The following CUX2 variants were observed in gnomAD, a reference collection of about 807,000 sequenced individuals.
CUX2 encodes the protein homeobox protein cut-like 2.
Under a neutral mutation model 144.8 loss-of-function variants are expected in CUX2, and 40 were observed. That is an observed-to-expected ratio of 0.28 (90% confidence interval 0.21 to 0.36). CUX2 has a LOEUF of 0.36. CUX2 is among the 10% of genes least tolerant of loss of function. CUX2 has a pLI of 1.00. For synonymous variants in CUX2, 827 were observed against 875.6 expected, an observed-to-expected ratio of 0.94 and a Z score of 0.98; for missense variants, 1,615 against 1,994.0, an observed-to-expected ratio of 0.81 and a Z score of 3.62.
intron 1 of CUX2, among the ~76,000 whole-genome samples, chr12:111,116,744 A>G (rs1000616607): frequency 2.6e-5 from 4 of 152,210 alleles, no homozygotes; most frequent in East Asian, 3.9e-4. Context: ...CAGAAACTCA[A>G]TTGGAATTCC....
At chr12:111,298,947 C>CTAAGACCCAAAGAATAA (rs1386939890) in intron 9 of CUX2, among the ~76,000 whole-genome samples, 1 of 152,226 alleles carries the variant, frequency 6.6e-6, no homozygotes, top group Non-Finnish European at 1.5e-5. Context: ...TAAATGACAG[C>CTAAGACCCAAAGAATAA]ATATCTAGGC....
chr12:111,269,765 C>G (rs1012951919), intron 4 of CUX2, among the ~76,000 whole-genome samples: 3 of 152,116 alleles, frequency 2.0e-5, no homozygotes, highest in Non-Finnish European at 4.4e-5. Flanking sequence ...TGCTGTGGAA[C>G]CTTCTGGAAG....
At chr12:111,316,878 C>T (rs1274990244) in intron 16 of CUX2, among the ~76,000 whole-genome samples, 2 of 152,178 alleles carry the variant, frequency 1.3e-5, no homozygotes, top group Non-Finnish European at 1.5e-5. Flanking sequence ...TTAAGCAGTG[C>T]TTCTCCTTTC....
At chr12:111,154,623 C>A (rs971094240) in intron 1 of CUX2, among the ~76,000 whole-genome samples, 2 of 152,120 alleles carry the variant, frequency 1.3e-5, no homozygotes, top group Non-Finnish European at 2.9e-5. Flanking sequence ...CTGGCCAAGA[C>A]GGGGAGATGC....
intron 12 of CUX2, among the ~76,000 whole-genome samples, chr12:111,308,049 T>C (rs1886686772): frequency 6.6e-6 from 1 of 152,192 alleles, no homozygotes; most frequent in South Asian, 2.1e-4. Flanking sequence ...ATTAACCAGC[T>C]AAACTCAAGC....
chr12:111,124,313 G>A (rs1364027824), intron 1 of CUX2, among the ~76,000 whole-genome samples: 5 of 152,216 alleles, frequency 3.3e-5, no homozygotes, highest in South Asian at 2.1e-4. Flanking sequence ...TCATTTTTAC[G>A]CTTAAGTTCA....
At chr12:111,332,987 C>T (rs1386313484) in intron 18 of CUX2, among the ~76,000 whole-genome samples, 1 of 152,160 alleles carries the variant, frequency 6.6e-6, no homozygotes, top group Non-Finnish European at 1.5e-5. Flanking sequence ...GCAGGTAGAT[C>T]ACTTGAGGTC....
intron 12 of CUX2, among the ~76,000 whole-genome samples, 175 bp from the exon 13 acceptor site, chr12:111,308,110 C>A (rs549851795): frequency 6.6e-6 from 1 of 152,220 alleles, no homozygotes; most frequent in Non-Finnish European, 1.5e-5. Flanking sequence ...ACATCGCCAC[C>A]TGTTAATGAG....
rs1278255757 is a variant in CUX2 at position 111,057,396 on chromosome 12, GC to G, written c.63+23158del. 6.6e-6 allele frequency among the ~76,000 whole-genome samples: 1 copy of G among 152,144 alleles called. No homozygotes were observed. Among genetic ancestry groups the G allele is most frequent in the Non-Finnish European group, 1.5e-5 (1 of 68,014 alleles). ...AGTGGAGTGGGTGTGACAGGAAGTG[GC>G]CACTGGAGATCTGGCTTTGTCTGCC... is the stretch of plus-strand genomic sequence containing the variant. On this transcript the variant is annotated intron_variant, in intron 1 of 21. Coordinates refer to ENST00000261726, the MANE Select transcript of CUX2 (RefSeq NM_015267.4). This position sits in a 1 kb window ranked among gnomAD's most constrained non-coding sequence, Gnocchi z 5.1.
intron 1 of CUX2, among the ~76,000 whole-genome samples, chr12:111,121,439 C>T (rs1315921888): frequency 2.4e-5 from 3 of 127,556 alleles, no homozygotes; most frequent in Non-Finnish European, 3.1e-5. Context: ...GGCTATGGCG[C>T]GATCTTGACT....
intron 18 of CUX2, among the ~76,000 whole-genome samples, chr12:111,332,236 G>A (rs796804619): frequency 6.4e-5 from 9 of 141,340 alleles, no homozygotes; most frequent in East Asian, 2.3e-4. Context: ...AGGTTCAAGC[G>A]ATTCTGCTGC....
intron 1 of CUX2, among the ~76,000 whole-genome samples, chr12:111,185,775 C>T (rs1469976559): frequency 6.6e-6 from 1 of 152,152 alleles, no homozygotes; most frequent in Non-Finnish European, 1.5e-5. Context: ...AGGCCCAGTC[C>T]CAGCTCAGCC....
At chr12:111,182,438 C>T (rs1374003256) in intron 1 of CUX2, among the ~76,000 whole-genome samples, 2 of 152,372 alleles carry the variant, frequency 1.3e-5, no homozygotes, top group East Asian at 1.9e-4. Context: ...ATCATCCTGA[C>T]GTTCTCCAGT....
At chr12:111,181,844 A>G (rs573356031) in intron 1 of CUX2, among the ~76,000 whole-genome samples, 2 of 152,316 alleles carry the variant, frequency 1.3e-5, no homozygotes, top group South Asian at 4.1e-4. Context: ...AAATTAAACT[A>G]TCTGCATCCT....
At chr12:111,301,294 G>A (rs962477331) in intron 9 of CUX2, among the ~76,000 whole-genome samples, 2 of 152,172 alleles carry the variant, frequency 1.3e-5, no homozygotes, top group African/African-American at 4.8e-5. Flanking sequence ...CTCCTGGGGT[G>A]AGAAAATGAG....
chr12:111,210,357 A>T (rs1367255054), intron 1 of CUX2, among the ~76,000 whole-genome samples: 1 of 152,112 alleles, frequency 6.6e-6, no homozygotes, highest in East Asian at 1.9e-4. Flanking sequence ...TCTTTGCTTG[A>T]TACAGTAACA....
At chr12:111,121,898 C>T (rs546387524) in intron 1 of CUX2, among the ~76,000 whole-genome samples, 24 of 152,040 alleles carry the variant, frequency 1.6e-4, no homozygotes, top group African/African-American at 4.8e-4. Context: ...CCCCTTCCAC[C>T]GAGACCTAAA....
rs572675073 is a variant in CUX2, at chr12:111,057,905, C to A, written c.63+23665C>A. Reference sequence around the variant, plus strand: ...TGGGGACGCCTGGGTAATGACTGAACGCGCTAACTCCGTTAGCAGCCCTGG... The same window carrying A: ...TGGGGACGCCTGGGTAATGACTGAAAGCGCTAACTCCGTTAGCAGCCCTGG... On this transcript the variant is annotated intron_variant, in intron 1 of 21. Transcript: ENST00000261726. This position sits in a 1 kb window ranked among gnomAD's most constrained non-coding sequence, Gnocchi z 5.1. 1.3e-5 allele frequency among the ~76,000 whole-genome samples: 2 copies of A among 152,244 alleles called. No homozygotes were observed. Among genetic ancestry groups the A allele is most frequent in the African/African-American group, 4.8e-5 (2 of 41,546 alleles).
rs200046675 is a variant in CUX2, at chr12:111,320,356, G to T, written c.2347G>T (p.Gly783Cys). Residue 783 changes from glycine to cysteine, a missense_variant, in exon 17 of 22, where the codon GGC becomes TGC. This residue lies in a region of CUX2 where 390 missense variants were observed against 387.1 expected (regional missense o/e 1.01). Transcript: ENST00000261726. This position sits in a 1 kb window ranked among gnomAD's most constrained non-coding sequence, Gnocchi z 8.1. ...GGTCAAGTCCGAGATCGGCGACGCC[G>T]GCTACTTCGACCACCACTGGGCCTC... ...RKVKSEIGDA[G>C]YFDHHWASDR... 98 of 1,598,016 alleles carry T rather than the reference G, an allele frequency of 6.1e-5. No individual in the cohort carries two copies. The highest frequency in any genetic ancestry group is 8.2e-5 in the Non-Finnish European group (97 of 1,179,162).
Sources: gnomAD v4.1 joint callset for allele counts (sites outside exome capture counted in the v4.1 genomes callset) on GRCh38, gnomAD v4.1.1 for gene constraint, gnomAD v4.1.1 regional missense constraint, Gnocchi (gnomAD v3.1) non-coding constraint, MANE v1.5 for transcripts, NCBI Gene and HGNC (gene_info 2026-07-23, HGNC 2026-07-21) for gene names.